The following HPD variants were observed in gnomAD, a reference collection of about 807,000 sequenced individuals.
HPD encodes the protein 4-hydroxyphenylpyruvic acid oxidase.
Under a neutral mutation model 56.9 loss-of-function variants are expected in HPD, and 35 were observed. That is an observed-to-expected ratio of 0.62 (90% confidence interval 0.47 to 0.82). The LOEUF (loss-of-function observed/expected upper bound fraction) is 0.82. HPD is among the 40% of genes least tolerant of loss of function. HPD has a pLI of 0.00. For missense variants in HPD, 442 were observed against 506.8 expected (o/e 0.87, Z 1.23); for synonymous variants, 186 against 200.2 (o/e 0.93, Z 0.60).
Position 121,840,055 on chromosome 12 carries a change from G to C in HPD, c.955-7C>G, listed in dbSNP as rs554245277. 8 of 1,573,082 alleles carry C rather than the reference G, an allele frequency of 5.1e-6. No homozygotes were observed. In the Admixed American group the frequency reaches 1.3e-4, roughly 26 times the overall value. ...CCACCAGGATTTTCAGCTCCTAGGC[G>C]GGAGACAGGGGGCTCTGCTAGGGGA... On this transcript the variant is annotated splice_region_variant and splice_polypyrimidine_tract_variant and intron_variant, in intron 12 of 13. Coordinates refer to ENST00000289004, the MANE Select transcript of HPD (RefSeq NM_002150.3).
At position 121,857,427 on chromosome 12, in the gene HPD, C is replaced by T. The variant is rs760875958; in HGVS notation, c.99G>A (p.Thr33=). ...TFWVGNAKQA[T]SFYCSKMGFE... ...AGCCCATCTTGCTGCAGTAGAATGACGTGGCCTGAATCACAGGGTTGCAGC... is the reference window on the plus strand; with the variant it reads ...AGCCCATCTTGCTGCAGTAGAATGATGTGGCCTGAATCACAGGGTTGCAGC... The change falls in exon 4 of 14, where the codon ACG becomes ACA. Residue 33 remains threonine (T), a synonymous_variant. Transcript: ENST00000289004. The T allele has an allele frequency of 1.9e-5, 31 of 1,610,100 alleles. No homozygotes were observed. The highest frequency in any genetic ancestry group is 2.2e-5 in the South Asian group (2 of 91,018).
Position 121,847,134 on chromosome 12 carries a change from G to T in HPD, c.677C>A (p.Ser226Tyr). ...QVHTEYSSLRSIVVANYEESI... is the reference protein window; with the variant it reads ...QVHTEYSSLRYIVVANYEESI... ...CTCTTCATAGTTGGCCACCACAATG[G>T]ATCGCAGAGAGCTATATTCCGTGTG... Residue 226 changes from serine to tyrosine, a missense_variant, in exon 10 of 14, where the codon TCC (serine) becomes TAC (tyrosine). Ser to Tyr is a moderately radical substitution (Grantham distance 144). Coordinates refer to ENST00000289004, the MANE Select transcript of HPD (RefSeq NM_002150.3). 6.2e-7 allele frequency: 1 copy of T among 1,614,164 alleles called. No individual in the cohort carries two copies. Among genetic ancestry groups the T allele is most frequent in the Non-Finnish European group, 8.5e-7 (1 of 1,180,010 alleles).
chr12:121,853,406 A>T (rs1877875402), intron 7 of HPD, among the ~76,000 whole-genome samples: 4 of 151,862 alleles, frequency 2.6e-5, no homozygotes, highest in Admixed American at 2.6e-4. Flanking sequence ...AGGCGGGCGG[A>T]TCACAAGGTC....
upstream of HPD, among the ~76,000 whole-genome samples, chr12:121,862,287 G>A (rs1878194764): frequency 6.6e-6 from 1 of 151,504 alleles, no homozygotes; most frequent in Non-Finnish European, 1.5e-5. Context: ...CTGCTCTTCA[G>A]CTCTGCATTT....
At chr12:121,879,874 G>A in the HPD span, among the ~76,000 whole-genome samples, 1 of 152,128 alleles carries the variant, frequency 6.6e-6, no homozygotes, top group Non-Finnish European at 1.5e-5. Context: ...GTGGGGCCAG[G>A]TGCAGTGGCT....
At chr12:121,858,499 T>C (rs1878086056) in intron 2 of HPD, among the ~76,000 whole-genome samples, 188 bp downstream of exon 2, 1 of 151,816 alleles carries the variant, frequency 6.6e-6, no homozygotes, top group African/African-American at 2.4e-5. Flanking sequence ...ACAAGTTTGT[T>C]GTGAGGGTGA....
the HPD span, among the ~76,000 whole-genome samples, chr12:121,877,249 G>A: frequency 6.6e-6 from 1 of 152,168 alleles, no homozygotes; most frequent in African/African-American, 2.4e-5. Context: ...GAGACTCAGA[G>A]AAGCTAACTG....
chr12:121,839,674 C>T lies in HPD; in HGVS notation c.*54G>A. On this transcript the variant is annotated 3_prime_UTR_variant, in exon 14 of 14. Coordinates refer to ENST00000289004, the MANE Select transcript of HPD (RefSeq NM_002150.3). ...AGCCAGTAGGGAAGTTGGGCGAGTTCCAGAATCAGGGGGCGTGGCTGTGTG... is the reference window on the plus strand; with the variant it reads ...AGCCAGTAGGGAAGTTGGGCGAGTTTCAGAATCAGGGGGCGTGGCTGTGTG... 1 of 1,322,456 alleles carries T rather than the reference C, an allele frequency of 7.6e-7. No homozygotes were observed. Among genetic ancestry groups the T allele is most frequent in the South Asian group, 1.2e-5 (1 of 85,178 alleles). 81.9% of individuals were successfully genotyped at this position (1,322,456 alleles called of 1,614,324 possible). A position where few individuals can be genotyped will look rare whatever the true frequency, so the allele number is the denominator to read the frequency against.
Position 121,847,228 on chromosome 12 carries a change from G to A in HPD, c.597-14C>T, listed in dbSNP as rs764872952. ...TTTTTCAGGTACCTGTAGGGTGGGC[G>A]GTGGAACACATATGCTCTGAGCGCC... On this transcript the variant is annotated splice_polypyrimidine_tract_variant and intron_variant, in intron 9 of 13. Transcript: ENST00000289004. 8.1e-6 allele frequency: 13 copies of A among 1,613,826 alleles called. No homozygotes were observed. The highest frequency in any genetic ancestry group is 6.7e-5 in the East Asian group (3 of 44,868).
chr12:121,844,583 A>T (rs1281577319), intron 11 of HPD, among the ~76,000 whole-genome samples: 1 of 151,558 alleles, frequency 6.6e-6, no homozygotes, highest in Admixed American at 6.6e-5. Flanking sequence ...TCCTGTCTCT[A>T]TTAAAAATAC....
the HPD span, among the ~76,000 whole-genome samples, chr12:121,878,789 T>TCAGCCTCCC: frequency 6.6e-6 from 1 of 150,916 alleles, no homozygotes; most frequent in Non-Finnish European, 1.5e-5. Flanking sequence ...TCCTCCCACC[T>TCAGCCTCCC]CAGCCTCCCC....
intron 11 of HPD, 45 bp from the exon 12 acceptor site, chr12:121,843,877 A>C: frequency 6.2e-7 from 1 of 1,613,634 alleles, no homozygotes; most frequent in Non-Finnish European, 8.5e-7. Context: ...CTCCAAGTTC[A>C]ACTCCCCTAG....
chr12:121,859,312 A>T (rs1878115410), upstream of HPD: 1 of 236,042 alleles, frequency 4.2e-6, no homozygotes, highest in Non-Finnish European at 8.5e-6. Flanking sequence ...GCTCTGTTAC[A>T]TACAGTGTGA....
chr12:121,870,079 A>C, the HPD span, among the ~76,000 whole-genome samples: 10 of 151,092 alleles, frequency 6.6e-5, no homozygotes, highest in Non-Finnish European at 5.9e-5. Flanking sequence ...CACCCAGCGT[A>C]AGCTGATTTT....
chr12:121,866,062 C>G, upstream of HPD, among the ~76,000 whole-genome samples: 1 of 151,914 alleles, frequency 6.6e-6, no homozygotes, highest in Non-Finnish European at 1.5e-5. Context: ...CTTTGGGAGG[C>G]CGAGGTGGTT....
chr12:121,850,692 C>CT (rs1206546215), intron 7 of HPD, among the ~76,000 whole-genome samples: 3,195 of 91,636 alleles, frequency 0.035, 282 homozygotes, highest in African/African-American at 0.11. Context: ...TGTACCTAGC[C>CT]TTTTTTTTTT....
intron 7 of HPD, among the ~76,000 whole-genome samples, chr12:121,850,496 C>T (rs1314010712): frequency 4.8e-5 from 5 of 104,514 alleles, no homozygotes; most frequent in East Asian, 3.6e-4. Context: ...TTTTTTAAGG[C>T]GGAGTCTCAC....
chr12:121,854,498 T>C (rs1877921314), intron 7 of HPD, among the ~76,000 whole-genome samples: 1 of 152,080 alleles, frequency 6.6e-6, no homozygotes, highest in African/African-American at 2.4e-5. Context: ...CCTCCCGCAC[T>C]GGGAGGAAGG....
At chr12:121,873,986 C>G in the HPD span, among the ~76,000 whole-genome samples, 1 of 151,864 alleles carries the variant, frequency 6.6e-6, no homozygotes, top group Non-Finnish European at 1.5e-5. Flanking sequence ...CTGTCTCAAA[C>G]AAAACAACAG....
Sources: gnomAD v4.1 joint callset for allele counts (sites outside exome capture counted in the v4.1 genomes callset) on GRCh38, gnomAD v4.1.1 for gene constraint, MANE v1.5 for transcripts, NCBI Gene and HGNC (gene_info 2026-07-23, HGNC 2026-07-21) for gene names.